The following ACSBG2 variants were observed in gnomAD, a reference collection of about 807,000 sequenced individuals.
ACSBG2 encodes long-chain-fatty-acid--CoA ligase ACSBG2.
ACSBG2 carries 62 observed loss-of-function variants against 74.7 expected under a neutral mutation model. The ratio of observed to expected loss-of-function variants is 0.83; its 90% CI spans 0.68 to 1.03. ACSBG2 has a LOEUF of 1.03. Among genes scored for constraint, ACSBG2 ranks in the 50% least tolerant of loss-of-function variants. ACSBG2 has a pLI of 0.00. For missense variants in ACSBG2, 730 were observed against 817.6 expected, an observed-to-expected ratio of 0.89 and a Z score of 1.31; for synonymous variants, 309 against 294.1, an observed-to-expected ratio of 1.05 and a Z score of -0.52.
chr19:6,137,678 C>T (rs1250902965), intron 1 of ACSBG2, among the ~76,000 whole-genome samples: 2 of 151,938 alleles, frequency 1.3e-5, no homozygotes, highest in South Asian at 2.1e-4. Context: ...GATGGAGTTT[C>T]ACTCTTATCT....
At chr19:6,187,138 G>T (rs919566390) in intron 11 of ACSBG2, 145 bp from the exon 12 acceptor site, 2 of 1,050,488 alleles carry the variant, frequency 1.9e-6, no homozygotes, top group African/African-American at 1.6e-5. Flanking sequence ...CCGAGTAGCT[G>T]GGATTACAGG....
chr19:6,190,843 A>C, intron 14 of ACSBG2, 151 bp downstream of exon 14: 1 of 559,124 alleles, frequency 1.8e-6, no homozygotes. Flanking sequence ...ACACACACAC[A>C]CACACACACT....
intron 5 of ACSBG2, among the ~76,000 whole-genome samples, chr19:6,159,203 T>G (rs181298656): frequency 6.6e-6 from 1 of 152,200 alleles, no homozygotes; most frequent in Non-Finnish European, 1.5e-5. Flanking sequence ...AGTGATCCAA[T>G]GGCCTTGGCC....
chr19:6,161,441 A>C, intron 6 of ACSBG2, 146 bp downstream of exon 6: 107 of 629,584 alleles, frequency 1.7e-4, no homozygotes, highest in Non-Finnish European at 2.3e-4. Context: ...GGGGACTCTC[A>C]AAGGAAGTGA....
chr19:6,136,664 C>T (rs1220282974), intron 1 of ACSBG2, among the ~76,000 whole-genome samples: 1 of 152,096 alleles, frequency 6.6e-6, no homozygotes, highest in African/African-American at 2.4e-5. Context: ...CATCTGAACC[C>T]TACATGGCCT....
intron 8 of ACSBG2, 99 bp from the exon 9 acceptor site, chr19:6,182,652 G>A: frequency 8.5e-7 from 1 of 1,182,438 alleles, no homozygotes; most frequent in Non-Finnish European, 1.2e-6. Flanking sequence ...GATCAGTGAA[G>A]GAATGTTCTC....
chr19:6,155,000 T>C (rs564241721), intron 4 of ACSBG2, among the ~76,000 whole-genome samples: 1 of 152,266 alleles, frequency 6.6e-6, no homozygotes, highest in South Asian at 2.1e-4. Flanking sequence ...GTTATAAAGA[T>C]TCAATAAGAG....
At chr19:6,147,945 T>C (rs1267664088) in intron 3 of ACSBG2, among the ~76,000 whole-genome samples, 4 of 152,234 alleles carry the variant, frequency 2.6e-5, no homozygotes, top group African/African-American at 9.6e-5. Flanking sequence ...ACACACATAA[T>C]AGCCTACTAC....
chr19:6,165,767 G>A (rs1042568579), intron 6 of ACSBG2, 99 bp from the exon 7 acceptor site: 1 of 1,442,460 alleles, frequency 6.9e-7, no homozygotes, highest in Non-Finnish European at 9.5e-7. Flanking sequence ...TCCACCTGCT[G>A]AGGATCATTC....
chr19:6,190,790 AACACACACATAC>A (rs2090539116), intron 14 of ACSBG2, 98 bp downstream of exon 14: 1 of 557,312 alleles, frequency 1.8e-6, no homozygotes, highest in African/African-American at 2.3e-5. Flanking sequence ...AACTGCAGAA[AACACACACATAC>A]ACACATACAT....
intron 8 of ACSBG2, among the ~76,000 whole-genome samples, chr19:6,179,977 T>C (rs902560414): frequency 2.6e-5 from 4 of 152,246 alleles, no homozygotes. Context: ...CTAAAATCAA[T>C]ATGTCATCAG....
chr19:6,182,644 T>C, intron 8 of ACSBG2, 107 bp from the exon 9 acceptor site: 1 of 1,078,620 alleles, frequency 9.3e-7, no homozygotes, highest in South Asian at 1.6e-5. Context: ...CGTAATCTGA[T>C]CAGTGAAGGA....
rs562266172 is a variant in ACSBG2, at chr19:6,142,759, A to C, written c.67+1149A>C. Among the ~76,000 whole-genome samples, 125 of 151,618 alleles carry C rather than the reference A, an allele frequency of 8.2e-4. 1 individual carries two copies. Among genetic ancestry groups the C allele is most frequent in the African/African-American group, 2.9e-3 (120 of 41,348 alleles). ...CAGAGCGAGACTCTGTCTCAAAAAA[A>C]AAAAAAAAATAGTGAAAGTACTGAG... On this transcript the variant is annotated intron_variant, in intron 2 of 14. Coordinates refer to ENST00000588485, the MANE Select transcript of ACSBG2 (RefSeq NM_030924.5).
At chr19:6,152,026 C>T (rs1354392633) in intron 4 of ACSBG2, among the ~76,000 whole-genome samples, 1 of 152,182 alleles carries the variant, frequency 6.6e-6, no homozygotes, top group Non-Finnish European at 1.5e-5. Context: ...GAACTTTTTG[C>T]AGACAAAATA....
At chr19:6,192,491 T>C (rs1403754683) in intron 14 of ACSBG2, among the ~76,000 whole-genome samples, 177 bp from the exon 15 acceptor site, 1 of 152,248 alleles carries the variant, frequency 6.6e-6, no homozygotes, top group Non-Finnish European at 1.5e-5. Flanking sequence ...GTAATGTTTC[T>C]TGTGGATAGT....
chr19:6,146,022 G>A lies in ACSBG2; in HGVS notation c.68-1424G>A, dbSNP rs1377047429. On this transcript the variant is annotated intron_variant, in intron 2 of 14. Transcript: ENST00000588485. ...CATAACTCACTTCTTATGTTTCATT[G>A]GCCAAAGCATACATAGTCCACTGCA... Among the ~76,000 whole-genome samples the A allele has an allele frequency of 2.0e-5, 3 of 151,910 alleles. No individual in the cohort carries two copies. In the East Asian group the frequency reaches 5.8e-4, roughly 29 times the overall value.
chr19:6,163,879 G>A (rs2089714014), intron 6 of ACSBG2, among the ~76,000 whole-genome samples: 1 of 149,024 alleles, frequency 6.7e-6, no homozygotes, highest in African/African-American at 2.5e-5. Flanking sequence ...GGAGGTGGAG[G>A]TTGCAGTGAG....
rs935417597 is a variant in ACSBG2 at position 6,180,260 on chromosome 19, G to A, written c.907-2491G>A. 2.0e-5 allele frequency among the ~76,000 whole-genome samples: 3 copies of A among 152,104 alleles called. No homozygotes were observed. The highest frequency in any genetic ancestry group is 4.1e-4 in the South Asian group (2 of 4,820). On this transcript the variant is annotated intron_variant, in intron 8 of 14. Coordinates refer to ENST00000588485, the MANE Select transcript of ACSBG2 (RefSeq NM_030924.5). This position sits in a 1 kb window ranked among gnomAD's most constrained non-coding sequence, Gnocchi z 4.3. ...ATTCACAGGTCCCAGGAGTTAGAAC[G>A]TGGACATCTTTAGGGGGCCATTATT... is the stretch of plus-strand genomic sequence containing the variant.
intron 6 of ACSBG2, among the ~76,000 whole-genome samples, chr19:6,163,163 T>A (rs1321513208): frequency 7.1e-6 from 1 of 140,500 alleles, no homozygotes; most frequent in Non-Finnish European, 1.5e-5. Flanking sequence ...ATAATAATAA[T>A]AATCGCCCAA....
Sources: gnomAD v4.1 joint callset for allele counts (sites outside exome capture counted in the v4.1 genomes callset) on GRCh38, gnomAD v4.1.1 for gene constraint, Gnocchi (gnomAD v3.1) non-coding constraint, MANE v1.5 for transcripts, NCBI Gene and HGNC (gene_info 2026-07-23, HGNC 2026-07-21) for gene names.